Variants in ATP9B observed in about 807,000 individuals in gnomAD.
The protein encoded by ATP9B is ATPase phospholipid transporting 9B.
Under a neutral mutation model 146.1 loss-of-function variants are expected in ATP9B, and 110 were observed. The ratio of observed to expected loss-of-function variants is 0.75; its 90% CI spans 0.65 to 0.88. The LOEUF is 0.88. ATP9B is among the 40% of genes least tolerant of loss of function. The pLI, the probability that ATP9B is intolerant of heterozygous loss-of-function variation, is 0.00. For synonymous variants in ATP9B, 604 were observed against 569.7 expected (o/e 1.06, Z -0.86); for missense variants, 1,499 against 1,496.4 (o/e 1.00, Z -0.03).
At chr18:79,333,634 C>T (rs2096803518) in intron 17 of ATP9B, among the ~76,000 whole-genome samples, 1 of 152,114 alleles carries the variant, frequency 6.6e-6, no homozygotes, top group East Asian at 1.9e-4. Flanking sequence ...AAGACCTCTC[C>T]CCTCACTGTG....
intron 15 of ATP9B, among the ~76,000 whole-genome samples, chr18:79,323,668 C>G (rs377051442): frequency 6.6e-6 from 1 of 152,148 alleles, no homozygotes; most frequent in African/African-American, 2.4e-5. Context: ...GAATAATACT[C>G]CATTGTGTGT....
intron 5 of ATP9B, among the ~76,000 whole-genome samples, chr18:79,139,082 A>G (rs542336227): frequency 4.3e-4 from 65 of 152,302 alleles, no homozygotes; most frequent in African/African-American, 1.4e-3. Flanking sequence ...TTAATTATCT[A>G]TCACTCATAC....
chr18:79,084,159 GT>G (rs11409523), intron 1 of ATP9B, among the ~76,000 whole-genome samples: 84 of 146,572 alleles, frequency 5.7e-4, no homozygotes, highest in Middle Eastern at 7.0e-3. Context: ...GCCTGGCTCA[GT>G]TTTTTTTTTT....
chr18:79,338,941 C>T (rs1043719664), intron 19 of ATP9B, among the ~76,000 whole-genome samples: 35 of 152,210 alleles, frequency 2.3e-4, no homozygotes, highest in African/African-American at 7.7e-4. Flanking sequence ...AAAAATACAT[C>T]CCACAAGCCT....
intron 7 of ATP9B, among the ~76,000 whole-genome samples, chr18:79,169,323 A>G (rs2095034184): frequency 6.6e-6 from 1 of 152,172 alleles, no homozygotes; most frequent in Admixed American, 6.5e-5. Context: ...TTTACTTGTT[A>G]TACTGTCACC....
At chr18:79,099,329 C>T (rs2075077518) in intron 2 of ATP9B, among the ~76,000 whole-genome samples, 2 of 152,082 alleles carry the variant, frequency 1.3e-5, no homozygotes, top group African/African-American at 4.8e-5. Flanking sequence ...TCAAGCGATT[C>T]TCCTTCCTCA....
intron 8 of ATP9B, among the ~76,000 whole-genome samples, chr18:79,179,258 T>C (rs1456828207): frequency 6.6e-6 from 1 of 152,158 alleles, no homozygotes; most frequent in East Asian, 1.9e-4. Context: ...ATTGATTATC[T>C]TCATTGTTTG....
rs368440989 is a variant in ATP9B at position 79,332,424 on chromosome 18, G to A, written c.2028+2320G>A. ...AGCCTGGGCGACAGAGCGAGACTCCGTCTCAAAAAATAAAAATAAAAAAAT... is the reference window on the plus strand; with the variant it reads ...AGCCTGGGCGACAGAGCGAGACTCCATCTCAAAAAATAAAAATAAAAAAAT... On this transcript the variant is annotated intron_variant, in intron 17 of 29. Transcript: ENST00000426216. 1.6e-3 allele frequency among the ~76,000 whole-genome samples: 250 copies of A among 152,284 alleles called. No homozygotes were observed. In the Middle Eastern group the frequency reaches 0.02, roughly 12 times the overall value.
rs887698349 is a variant in ATP9B at position 79,236,976 on chromosome 18, A to C, written c.1108-16405A>C. On this transcript the variant is annotated intron_variant, in intron 11 of 29. Coordinates refer to ENST00000426216, the MANE Select transcript of ATP9B (RefSeq NM_198531.5). ...TCCCCACTGTGTACACAGTCCGTGCATGAATCAGTGTCCACACCTGCCCCT... is the reference window on the plus strand; with the variant it reads ...TCCCCACTGTGTACACAGTCCGTGCCTGAATCAGTGTCCACACCTGCCCCT... Among the ~76,000 whole-genome samples the C allele has an allele frequency of 2.1e-5, 2 of 96,940 alleles. 1 individual carries two copies. The highest frequency in any genetic ancestry group is 1.0e-4 in the African/African-American group (2 of 19,316). The allele number at this position is 96,940 out of a possible 152,430, so 63.6% of individuals were successfully genotyped here.
At chr18:79,237,368 A>G (rs1325947654) in intron 11 of ATP9B, among the ~76,000 whole-genome samples, 2 of 149,082 alleles carry the variant, frequency 1.3e-5, no homozygotes, top group Non-Finnish European at 3.0e-5. Flanking sequence ...GTCAGTGTCC[A>G]CACCTGCCCC....
intron 6 of ATP9B, among the ~76,000 whole-genome samples, chr18:79,152,319 T>A (rs1027273504): frequency 6.6e-6 from 1 of 152,238 alleles, no homozygotes; most frequent in African/African-American, 2.4e-5. Context: ...TGTGTCTGTC[T>A]TTTATATGAC....
chr18:79,353,689 G>A (rs1030532230), intron 25 of ATP9B: 3 of 152,222 alleles, frequency 2.0e-5, no homozygotes, highest in Non-Finnish European at 2.9e-5. Context: ...CCTCGTCCTT[G>A]GGGGTGACGG....
intron 25 of ATP9B, among the ~76,000 whole-genome samples, chr18:79,348,524 T>TCTCTGCAGGCTGCC (rs1400575010): frequency 1.5e-4 from 23 of 152,168 alleles, no homozygotes; most frequent in African/African-American, 5.3e-4. Context: ...CCCTCCCGGC[T>TCTCTGCAGGCTGCC]CTCTGCAGGC....
At chr18:79,195,621 G>T (rs1014881524) in intron 9 of ATP9B, among the ~76,000 whole-genome samples, 1 of 152,120 alleles carries the variant, frequency 6.6e-6, no homozygotes, top group Non-Finnish European at 1.5e-5. Context: ...AATCAAAATG[G>T]AATAAATTTC....
In ATP9B at chr18:79,345,781, G is replaced by A; in HGVS notation, c.2624G>A (p.Gly875Glu). ...TGRRTCAIGD[G>E]GNDVSMIQAA... Reference sequence around the variant, plus strand: ...CACTTTTCTTGCTTCGCAGGTGATGGAGGAAATGATGTCAGCATGATTCAG... The same window carrying A: ...CACTTTTCTTGCTTCGCAGGTGATGAAGGAAATGATGTCAGCATGATTCAG... The change falls in exon 23 of 30, where the codon GGA becomes GAA. Residue 875 changes from glycine to glutamate, a missense_variant. Gly to Glu is a moderately conservative substitution (Grantham distance 98). Coordinates refer to ENST00000426216, the MANE Select transcript of ATP9B (RefSeq NM_198531.5). The A allele has an allele frequency of 6.2e-7, 1 of 1,614,276 alleles. No homozygotes were observed. The highest frequency in any genetic ancestry group is 8.5e-7 in the Non-Finnish European group (1 of 1,180,060).
chr18:79,329,430 G>T (rs75394261), intron 16 of ATP9B, 128 bp downstream of exon 16: 363 of 809,082 alleles, frequency 4.5e-4, no homozygotes, highest in African/African-American at 1.4e-3. Flanking sequence ...AGTTTTGTTT[G>T]TTTTTTTTTT....
chr18:79,147,481 A>G (rs761258092), intron 6 of ATP9B, among the ~76,000 whole-genome samples: 24 of 152,360 alleles, frequency 1.6e-4, no homozygotes, highest in Middle Eastern at 6.8e-3. Context: ...GAAATCACAC[A>G]GAGTGTGTTC....
intron 29 of ATP9B, chr18:79,376,145 C>A (rs1384250725): frequency 2.5e-4 from 243 of 981,484 alleles, no homozygotes; most frequent in Non-Finnish European, 2.8e-4. Flanking sequence ...TGCCCCCAGC[C>A]CCTCATAAAG....
At chr18:79,203,194 G>C (rs1285128015) in intron 9 of ATP9B, among the ~76,000 whole-genome samples, 2 of 151,962 alleles carry the variant, frequency 1.3e-5, no homozygotes, top group Non-Finnish European at 2.9e-5. Context: ...GGAGGAGCAG[G>C]TACCTGATGC....
Sources: gnomAD v4.1 joint callset for allele counts (sites outside exome capture counted in the v4.1 genomes callset) on GRCh38, gnomAD v4.1.1 for gene constraint, MANE v1.5 for transcripts, NCBI Gene and HGNC (gene_info 2026-07-23, HGNC 2026-07-21) for gene names.